Variants in DPYD observed in about 807,000 individuals in gnomAD.
DPYD encodes the protein dihydropyrimidine dehydrogenase, also known as dihydropyrimidine dehydrogenase [NADP(+)].
Under a neutral mutation model 116.2 loss-of-function variants are expected in DPYD, and 109 were observed. The ratio of observed to expected loss-of-function variants is 0.94; its 90% CI spans 0.80 to 1.10. The LOEUF (loss-of-function observed/expected upper bound fraction) is 1.10, where lower values mean the gene tolerates loss of function less well. Among genes scored for constraint, DPYD ranks in the 50% least tolerant of loss-of-function variants. The pLI, the probability that DPYD is intolerant of heterozygous loss-of-function variation, is 0.00. For missense variants in DPYD, 1,302 were observed against 1,254.5 expected, an observed-to-expected ratio of 1.04 and a Z score of -0.57; for synonymous variants, 440 against 432.0, an observed-to-expected ratio of 1.02 and a Z score of -0.23.
At chr1:97,594,459 T>C (rs1404891005) in intron 9 of DPYD, among the ~76,000 whole-genome samples, 1 of 152,190 alleles carries the variant, frequency 6.6e-6, no homozygotes, top group East Asian at 1.9e-4. Flanking sequence ...TACATGTAAT[T>C]AATGTAGGAA....
In DPYD at chr1:97,826,656, T is replaced by C. The variant is rs566968922; in HGVS notation, c.233+1458A>G. Among the ~76,000 whole-genome samples, 10 of 152,274 alleles carry C rather than the reference T, an allele frequency of 6.6e-5. No homozygotes were observed. The South Asian group carries it at 2.1e-3, about 32-fold the overall frequency. Reference sequence around the variant, plus strand: ...GGTAATTTTAGGATAAACCACTATGTATGGTGAAAATTAGAAATTCATTCA... The same window carrying C: ...GGTAATTTTAGGATAAACCACTATGCATGGTGAAAATTAGAAATTCATTCA... On this transcript the variant is annotated intron_variant, in intron 3 of 22. Transcript: ENST00000370192.
At chr1:97,892,179 A>T (rs1287908714) in intron 1 of DPYD, among the ~76,000 whole-genome samples, 2 of 151,896 alleles carry the variant, frequency 1.3e-5, no homozygotes, top group East Asian at 3.9e-4. Context: ...TGTGGTGCCA[A>T]TTTTTTATCA....
chr1:97,111,388 C>T (rs1651586461), intron 20 of DPYD, among the ~76,000 whole-genome samples: 2 of 152,058 alleles, frequency 1.3e-5, no homozygotes, highest in Non-Finnish European at 2.9e-5. Context: ...TATATTTTAA[C>T]CACTGTCCCC....
chr1:97,823,445 T>C (rs1481627899), intron 3 of DPYD, among the ~76,000 whole-genome samples: 1 of 152,214 alleles, frequency 6.6e-6, no homozygotes, highest in Non-Finnish European at 1.5e-5. Flanking sequence ...CTGTTGACTA[T>C]AGTCACCTTA....
intron 13 of DPYD, among the ~76,000 whole-genome samples, 186 bp downstream of exon 13, chr1:97,515,540 A>G (rs1275000232): frequency 1.3e-5 from 2 of 151,952 alleles, no homozygotes; most frequent in African/African-American, 4.8e-5. Context: ...TGAGCAATAT[A>G]TGCCTGCCCC....
rs899930449 is a variant in DPYD at position 97,464,382 on chromosome 1, G to A, written c.1741-14159C>T. 1.6e-4 allele frequency among the ~76,000 whole-genome samples: 25 copies of A among 152,284 alleles called. 1 individual carries two copies. The South Asian group carries it at 2.7e-3, about 16-fold the overall frequency. ...GACTGCAGAAATTTGCATAAGTAAC[G>A]AGGAGCCAAATGCTAATCCCAAAGA... On this transcript the variant is annotated intron_variant, in intron 13 of 22. Transcript: ENST00000370192.
intron 12 of DPYD, among the ~76,000 whole-genome samples, chr1:97,522,663 G>C (rs1163019957): frequency 6.6e-6 from 1 of 151,304 alleles, no homozygotes; most frequent in Non-Finnish European, 1.5e-5. Context: ...ATCTTGCATT[G>C]TGCCAAGATC....
At chr1:97,135,744 C>T (rs1653737247) in intron 20 of DPYD, among the ~76,000 whole-genome samples, 1 of 152,096 alleles carries the variant, frequency 6.6e-6, no homozygotes, top group South Asian at 2.1e-4. Flanking sequence ...TCTATACTCA[C>T]CCCACATGGG....
In DPYD at chr1:97,806,696, G is replaced by C. The variant is rs140591512; in HGVS notation, c.233+21418C>G. On this transcript the variant is annotated intron_variant, in intron 3 of 22. Transcript: ENST00000370192. ...CACACAAAGTTCATAGTTTACATTA[G>C]AAATCAATTTTAGTGTTGTATATCC... Among the ~76,000 whole-genome samples the C allele has an allele frequency of 1.1e-4, 16 of 151,922 alleles. No homozygotes were observed. The East Asian group carries it at 1.4e-3, about 13-fold the overall frequency.
chr1:97,149,787 C>G (rs1654891281), intron 20 of DPYD, among the ~76,000 whole-genome samples: 1 of 152,192 alleles, frequency 6.6e-6, no homozygotes, highest in Non-Finnish European at 1.5e-5. Flanking sequence ...ATTGCATACC[C>G]ACAAAGCCAA....
intron 2 of DPYD, among the ~76,000 whole-genome samples, chr1:97,848,001 C>T (rs1386543201): frequency 6.6e-6 from 1 of 152,082 alleles, no homozygotes. Context: ...AAAGAACATA[C>T]AATAATAGGA....
intron 13 of DPYD, among the ~76,000 whole-genome samples, chr1:97,460,340 A>G (rs1213014173): frequency 6.6e-6 from 1 of 152,152 alleles, no homozygotes; most frequent in Non-Finnish European, 1.5e-5. Flanking sequence ...GGGATTACAG[A>G]TCCCTTGGTG....
chr1:97,258,087 T>C (rs1031709066), intron 18 of DPYD, among the ~76,000 whole-genome samples: 6 of 152,038 alleles, frequency 3.9e-5, no homozygotes, highest in Non-Finnish European at 7.4e-5. Flanking sequence ...ATGTTAGGTG[T>C]GTCGTAGGGC....
At chr1:97,301,345 A>G (rs1666850099) in intron 18 of DPYD, among the ~76,000 whole-genome samples, 1 of 152,094 alleles carries the variant, frequency 6.6e-6, no homozygotes, top group Admixed American at 6.6e-5. Flanking sequence ...AGCATTCAAA[A>G]TTTGAAGTTA....
At chr1:97,195,632 G>GTGTATA (rs1658730532) in intron 19 of DPYD, among the ~76,000 whole-genome samples, 2 of 41,114 alleles carry the variant, frequency 4.9e-5, no homozygotes, top group African/African-American at 1.8e-4. Context: ...GTATATGTAT[G>GTGTATA]TGTATATATA....
At chr1:97,169,219 T>C (rs1656541277) in intron 20 of DPYD, among the ~76,000 whole-genome samples, 1 of 152,200 alleles carries the variant, frequency 6.6e-6, no homozygotes, top group Non-Finnish European at 1.5e-5. Flanking sequence ...TAGTTCTACC[T>C]ACTTTGTGTT....
chr1:97,398,044 C>A (rs1372211206), intron 14 of DPYD, among the ~76,000 whole-genome samples: 2 of 151,720 alleles, frequency 1.3e-5, no homozygotes, highest in Non-Finnish European at 2.9e-5. Context: ...TGTGTTGCAC[C>A]CATTAAATCA....
intron 11 of DPYD, among the ~76,000 whole-genome samples, chr1:97,560,491 C>T (rs745324086): frequency 6.6e-5 from 10 of 150,806 alleles, no homozygotes; most frequent in Non-Finnish European, 1.2e-4. Flanking sequence ...CTATTCTTCC[C>T]AGGTGTTTCA....
At chr1:97,601,117 T>C (rs1655219917) in intron 8 of DPYD, among the ~76,000 whole-genome samples, 2 of 152,130 alleles carry the variant, frequency 1.3e-5, no homozygotes, top group East Asian at 3.9e-4. Context: ...TCTAATCTCA[T>C]TATTTCCATT....
Sources: allele counts gnomAD v4.1 joint callset (sites outside exome capture counted in the v4.1 genomes callset), GRCh38; gene constraint gnomAD v4.1.1; transcripts MANE v1.5; gene names NCBI Gene and HGNC (gene_info 2026-07-23, HGNC 2026-07-21).